CIB2: variants seen among roughly 807,000 people sequenced by gnomAD.
The protein encoded by CIB2 is calcium and integrin-binding family member 2.
A neutral mutation model predicts 23.1 loss-of-function variants in CIB2; 19 were observed. The observed-to-expected ratio is 0.82, with a 90% CI of 0.57 to 1.21. The LOEUF is 1.21. Ranked by LOEUF, CIB2 falls within the 50% of genes most tolerant of loss-of-function variation. The pLI, the probability that CIB2 is intolerant of heterozygous loss-of-function variation, is 0.00. For missense variants in CIB2, 220 were observed against 241.5 expected (o/e 0.91, Z 0.59); for synonymous variants, 94 against 91.7 (o/e 1.03, Z -0.14).
Position 78,109,375 on chromosome 15 carries a change from G to C in CIB2, c.206C>G (p.Pro69Arg). The C allele has an allele frequency of 6.2e-7, 1 of 1,614,016 alleles. No individual in the cohort carries two copies. Among genetic ancestry groups the C allele is most frequent in the Non-Finnish European group, 8.5e-7 (1 of 1,180,020 alleles). ...IIQMPELRENPFKERIVAAFS... is the reference protein window; with the variant it reads ...IIQMPELRENRFKERIVAAFS... ...CGCCGCCACGATCCTTTCTTTGAAG[G>C]GATTCTCCTGAAGAAAACACACACA... Residue 69 changes from proline (P) to arginine (R), a missense_variant, in exon 4 of 6, where the codon CCC (proline) becomes CGC (arginine). Coordinates refer to ENST00000258930, the MANE Select transcript of CIB2 (RefSeq NM_006383.4).
chr15:78,128,541 G>T (rs1474750189), intron 1 of CIB2, among the ~76,000 whole-genome samples: 1 of 152,162 alleles, frequency 6.6e-6, no homozygotes, highest in Non-Finnish European at 1.5e-5. Flanking sequence ...GATGGGCATG[G>T]TGGTGGGTGC....
At chr15:78,115,410 C>T (rs1187106270) in intron 2 of CIB2, among the ~76,000 whole-genome samples, 4 of 151,978 alleles carry the variant, frequency 2.6e-5, no homozygotes, top group Middle Eastern at 3.4e-3. Context: ...CAGGGGCATG[C>T]GACCACACTC....
intron 2 of CIB2, among the ~76,000 whole-genome samples, chr15:78,122,614 A>G (rs1416005841): frequency 6.6e-6 from 1 of 152,246 alleles, no homozygotes; most frequent in Admixed American, 6.5e-5. Context: ...GCCTCTCGGC[A>G]ATGCTATGAG....
At chr15:78,117,916 T>C (rs1265998005) in intron 2 of CIB2, among the ~76,000 whole-genome samples, 1 of 152,218 alleles carries the variant, frequency 6.6e-6, no homozygotes, top group East Asian at 1.9e-4. Context: ...TCCATTATCT[T>C]TGATCAGGAA....
intron 3 of CIB2, 154 bp from the exon 4 acceptor site, chr15:78,109,536 C>A: frequency 1.3e-6 from 1 of 787,962 alleles, no homozygotes; most frequent in South Asian, 1.5e-5. Flanking sequence ...ATAATAACAC[C>A]TTCTTAATTG....
intron 1 of CIB2, among the ~76,000 whole-genome samples, chr15:78,125,323 G>A (rs2074367894): frequency 6.6e-6 from 1 of 152,170 alleles, no homozygotes; most frequent in Admixed American, 6.5e-5. Flanking sequence ...TGCCCAGTGA[G>A]AAGGGCCAGG....
At chr15:78,120,855 G>A (rs1542100) in intron 2 of CIB2, among the ~76,000 whole-genome samples, 5,296 of 152,270 alleles carry the variant, frequency 0.035, 133 homozygotes, top group East Asian at 0.15. Context: ...GGGGTGGGGA[G>A]TAGCATCCCT....
intron 2 of CIB2, among the ~76,000 whole-genome samples, chr15:78,118,810 T>G (rs954169168): frequency 1.1e-4 from 17 of 152,054 alleles, no homozygotes; most frequent in Non-Finnish European, 1.5e-5. Flanking sequence ...AAACTGAAAC[T>G]CTGTACTAAT....
At position 78,105,092 on chromosome 15, in the gene CIB2, T is replaced by G. The variant is rs1596344451; in HGVS notation, c.*219A>C. 1 of 599,008 alleles carries G rather than the reference T, an allele frequency of 1.7e-6. No individual in the cohort carries two copies. Among genetic ancestry groups the G allele is most frequent in the Non-Finnish European group, 2.9e-6 (1 of 348,138 alleles). The allele number at this position is 599,008 out of a possible 1,614,324, so 37.1% of individuals were successfully genotyped here. A position where few individuals can be genotyped will look rare whatever the true frequency, so the allele number is the denominator to read the frequency against. On this transcript the variant is annotated 3_prime_UTR_variant, in exon 6 of 6. Coordinates refer to ENST00000258930, the MANE Select transcript of CIB2 (RefSeq NM_006383.4). ...GGAGGGCCTGGAGAGAGGCCATGGG[T>G]CCCGGGGCTGGACCACAGCGGGGCT...
Position 78,130,758 on chromosome 15 carries a change from T to C in CIB2, c.51+407A>G, listed in dbSNP as rs577349017. On this transcript the variant is annotated intron_variant, in intron 1 of 5. Coordinates refer to ENST00000258930, the MANE Select transcript of CIB2 (RefSeq NM_006383.4). ...CAGACAGGACGCCAGCTCTCATTTCTGCTTTACAGAGACTCGCTCTCCTGG... is the reference window on the plus strand; with the variant it reads ...CAGACAGGACGCCAGCTCTCATTTCCGCTTTACAGAGACTCGCTCTCCTGG... 4.5e-4 allele frequency among the ~76,000 whole-genome samples: 69 copies of C among 152,320 alleles called. No homozygotes were observed. The South Asian group carries it at 0.014, about 31-fold the overall frequency.
At chr15:78,124,646 C>T (rs1191268797) in intron 1 of CIB2, among the ~76,000 whole-genome samples, 2 of 152,162 alleles carry the variant, frequency 1.3e-5, no homozygotes, top group African/African-American at 2.4e-5. Flanking sequence ...CTTTTGTGCA[C>T]CTCCCCTGCT....
At chr15:78,105,465 G>A (rs781130009) in intron 5 of CIB2, 133 bp from the exon 6 acceptor site, 1 of 1,545,020 alleles carries the variant, frequency 6.5e-7, no homozygotes, top group Non-Finnish European at 8.7e-7. Context: ...CATAGTGGAT[G>A]CAGGTAATCA....
chr15:78,127,533 C>T (rs989481805), intron 1 of CIB2, among the ~76,000 whole-genome samples: 4 of 152,186 alleles, frequency 2.6e-5, no homozygotes, highest in East Asian at 1.9e-4. Context: ...GTTCTGCCTC[C>T]GAGCCTATAT....
At position 78,120,155 on chromosome 15, in the gene CIB2, C is replaced by T. The variant is rs143968623; in HGVS notation, c.86+3550G>A. Among the ~76,000 whole-genome samples the T allele has an allele frequency of 1.3e-3, 193 of 152,238 alleles. 1 individual carries two copies. Among genetic ancestry groups the T allele is most frequent in the Admixed American group, 3.2e-3 (49 of 15,302 alleles). ...CTGAGTTCATGTAATCCACCGGCCT[C>T]GGCCTCTCAAAGTGCTAGGATTACA... On this transcript the variant is annotated intron_variant, in intron 2 of 5. Transcript: ENST00000258930.
At chr15:78,105,376 C>A in intron 5 of CIB2, 44 bp from the exon 6 acceptor site, 2 of 1,612,992 alleles carry the variant, frequency 1.2e-6, no homozygotes, top group South Asian at 2.2e-5. Context: ...GGCCCTGGGT[C>A]GGGCAGGTAA....
At chr15:78,109,118 G>A (rs2074113672) in intron 4 of CIB2, 117 bp downstream of exon 4, 2 of 1,202,248 alleles carry the variant, frequency 1.7e-6, no homozygotes, top group Non-Finnish European at 2.3e-6. Flanking sequence ...TCAGAGGACA[G>A]ATCAGCTTCA....
At chr15:78,114,824 A>C (rs1596354073) in intron 2 of CIB2, among the ~76,000 whole-genome samples, 1 of 151,958 alleles carries the variant, frequency 6.6e-6, no homozygotes, top group East Asian at 1.9e-4. Flanking sequence ...GATATGCATC[A>C]GTAGTCCTAG....
chr15:78,110,865 G>C (rs1473773021), intron 3 of CIB2: 1 of 491,894 alleles, frequency 2.0e-6, no homozygotes, highest in Non-Finnish European at 4.0e-6. Context: ...ATCTAACAAA[G>C]CAGACACAGG....
chr15:78,105,300 C>G lies in CIB2; in HGVS notation c.*11G>C. 3.1e-6 allele frequency: 5 copies of G among 1,613,940 alleles called. No individual in the cohort carries two copies. The highest frequency in any genetic ancestry group is 4.2e-6 in the Non-Finnish European group (5 of 1,179,936). On this transcript the variant is annotated 3_prime_UTR_variant, in exon 6 of 6. Coordinates refer to ENST00000258930, the MANE Select transcript of CIB2 (RefSeq NM_006383.4). Reference sequence around the variant, plus strand: ...GTGGACTTCTAGGCCCCTACAGCCTCGGCAGTGTCCTCAGATCCGGATGTG... The same window carrying G: ...GTGGACTTCTAGGCCCCTACAGCCTGGGCAGTGTCCTCAGATCCGGATGTG...
Sources: gnomAD v4.1 joint callset for allele counts (sites outside exome capture counted in the v4.1 genomes callset) on GRCh38, gnomAD v4.1.1 for gene constraint, MANE v1.5 for transcripts, NCBI Gene and HGNC (gene_info 2026-07-23, HGNC 2026-07-21) for gene names.